Variants in OPHN1 observed in about 807,000 individuals in gnomAD.
OPHN1 encodes oligophrenin 1.
Under a neutral mutation model 60.7 loss-of-function variants are expected in OPHN1, and 11 were observed. That is an observed-to-expected ratio of 0.18 (90% CI 0.11 to 0.30). The LOEUF (loss-of-function observed/expected upper bound fraction) is 0.30, where lower values mean the gene tolerates loss of function less well. Among genes scored for constraint, OPHN1 ranks in the 10% least tolerant of loss-of-function variants. OPHN1 has a pLI of 1.00. For synonymous variants in OPHN1, 226 were observed against 222.6 expected, an observed-to-expected ratio of 1.02 and a Z score of -0.14; for missense variants, 449 against 611.0, an observed-to-expected ratio of 0.73 and a Z score of 2.80.
chrX:68,115,326 T>G (rs185296317), intron 16 of OPHN1, among the ~76,000 whole-genome samples: 1 of 112,258 alleles, frequency 8.9e-6, no homozygotes, highest in African/African-American at 3.2e-5. Flanking sequence ...GTGTTTAATA[T>G]GAAAATAGTC....
At chrX:68,239,506 G>T (rs887213895) in intron 5 of OPHN1, among the ~76,000 whole-genome samples, 1 of 111,431 alleles carries the variant, frequency 9.0e-6, no homozygotes, top group African/African-American at 3.3e-5. Context: ...CCTAGCCAGG[G>T]ACCGGGCCTT....
At chrX:68,432,648 T>C (rs1373272564) in intron 2 of OPHN1, among the ~76,000 whole-genome samples, 1 of 111,565 alleles carries the variant, frequency 9.0e-6, no homozygotes. Context: ...GATCACGTCT[T>C]ATAAGGTCAA....
At chrX:68,065,057 G>T (rs992806973) in intron 20 of OPHN1, among the ~76,000 whole-genome samples, 8 of 110,378 alleles carry the variant, frequency 7.2e-5, no homozygotes, top group African/African-American at 2.6e-4. Flanking sequence ...TGAGTTAATG[G>T]GTGCAGCACA....
At chrX:68,261,433 G>A (rs1458908701) in intron 5 of OPHN1, among the ~76,000 whole-genome samples, 3 of 111,692 alleles carry the variant, frequency 2.7e-5, no homozygotes, top group African/African-American at 9.8e-5. Context: ...AACAGAGCTG[G>A]ACTAAGACTT....
intron 15 of OPHN1, among the ~76,000 whole-genome samples, chrX:68,135,763 G>A (rs1411831208): frequency 8.9e-6 from 1 of 112,231 alleles, no homozygotes; most frequent in Admixed American, 9.4e-5. Context: ...TAGATTAGCT[G>A]TCAAAAATCA....
intron 2 of OPHN1, among the ~76,000 whole-genome samples, chrX:68,313,060 T>G (rs1270589062): frequency 9.0e-6 from 1 of 111,110 alleles, no homozygotes; most frequent in Non-Finnish European, 1.9e-5. Context: ...GTGATGATCC[T>G]ACAACTGCAT....
rs1247862355 is a variant in OPHN1 at position 68,213,930 on chromosome X, A to T, written c.529T>A (p.Ser177Thr). 5.0e-6 allele frequency: 6 copies of T among 1,205,375 alleles called. No individual in the cohort carries two copies. The Admixed American group carries it at 1.3e-4, about 26-fold the overall frequency. Residue 177 changes from serine (S) to threonine (T), a missense_variant, in exon 7 of 25, where the codon TCC (serine) becomes ACC (threonine). Physicochemically the swap from Ser to Thr is moderately conservative, Grantham distance 58. Transcript: ENST00000355520. ...VDKERHNFFE[S>T]SLDYVYQIQE... ...ATTTGATAAACATAATCAAGAGAGG[A>T]CTCGAAAAAATTGTGCCTCTCCTTG...
chrX:68,426,552 T>TTTTATATATATATATATATATATATATA (rs1227316565), intron 2 of OPHN1, among the ~76,000 whole-genome samples: 1 of 16,184 alleles, frequency 6.2e-5, no homozygotes, highest in Non-Finnish European at 4.9e-4. Context: ...GACATCTGTT[T>TTTTATATATATATATATATATATATATA]TATATATATA....
chrX:68,116,885 A>G (rs1018198718), intron 16 of OPHN1, among the ~76,000 whole-genome samples: 11 of 111,282 alleles, frequency 9.9e-5, no homozygotes, highest in African/African-American at 3.6e-4. Flanking sequence ...GCTTACTTCT[A>G]GGAATATCTA....
At chrX:68,372,490 G>C (rs2078534336) in intron 2 of OPHN1, among the ~76,000 whole-genome samples, 1 of 111,226 alleles carries the variant, frequency 9.0e-6, no homozygotes, top group Non-Finnish European at 1.9e-5. Flanking sequence ...CTCCCTGACA[G>C]TTTCGGCATC....
At chrX:68,428,068 T>C (rs1415828753) in intron 2 of OPHN1, among the ~76,000 whole-genome samples, 1 of 111,453 alleles carries the variant, frequency 9.0e-6, no homozygotes, top group Non-Finnish European at 1.9e-5. Flanking sequence ...CTCAAATTAT[T>C]TGCTGTCCCC....
intron 2 of OPHN1, among the ~76,000 whole-genome samples, chrX:68,423,247 T>G (rs951701051): frequency 1.8e-5 from 2 of 110,938 alleles, no homozygotes; most frequent in African/African-American, 3.3e-5. Flanking sequence ...GGATGGTCTC[T>G]ATCTCCTGAC....
At chrX:68,297,497 T>G (rs1422644508) in intron 3 of OPHN1, among the ~76,000 whole-genome samples, 2 of 112,101 alleles carry the variant, frequency 1.8e-5, no homozygotes, top group African/African-American at 6.5e-5. Context: ...TCTGACTCAC[T>G]AGTTACACAG....
chrX:68,415,584 C>T (rs1315221517), intron 2 of OPHN1, among the ~76,000 whole-genome samples: 1 of 111,752 alleles, frequency 8.9e-6, no homozygotes, highest in African/African-American at 3.3e-5. Flanking sequence ...AAAGAACTTC[C>T]CAACTGTGTC....
chrX:68,043,918 C>T lies in OPHN1; in HGVS notation c.*3254G>A, dbSNP rs1192253161. The T allele has an allele frequency of 9.0e-6, 1 of 111,554 alleles. No individual in the cohort carries two copies. The highest frequency in any genetic ancestry group is 1.9e-5 in the Non-Finnish European group (1 of 53,155). The allele number at this position is 111,554 out of a possible 1,213,427, so 9.2% of individuals were successfully genotyped here. ...TCTCTTAGGCTGAAACTGAAACTGC[C>T]CATGCTACAACCTTGGCGAAGTATG... On this transcript the variant is annotated 3_prime_UTR_variant, in exon 25 of 25. Transcript: ENST00000355520.
chrX:68,219,624 T>A (rs1177815553), intron 6 of OPHN1, among the ~76,000 whole-genome samples: 1 of 111,405 alleles, frequency 9.0e-6, no homozygotes, highest in African/African-American at 3.3e-5. Context: ...GGATTACGAA[T>A]CTCACTCAAA....
intron 2 of OPHN1, among the ~76,000 whole-genome samples, chrX:68,307,448 C>A (rs373195346): frequency 1.5e-4 from 15 of 99,154 alleles, no homozygotes; most frequent in African/African-American, 6.1e-4. Context: ...AGAGCGAGAC[C>A]CTATGTCAAC....
At chrX:68,269,596 A>T (rs1372881649) in intron 5 of OPHN1, among the ~76,000 whole-genome samples, 1 of 111,893 alleles carries the variant, frequency 8.9e-6, no homozygotes, top group Non-Finnish European at 1.9e-5. Flanking sequence ...TTCAAGATGG[A>T]TTAAAGACTT....
rs753380433 is a variant in OPHN1, at chrX:68,073,407, C to A, written c.1687-108G>T. 4.7e-5 allele frequency: 30 copies of A among 643,585 alleles called. No homozygotes were observed. The African/African-American group carries it at 5.8e-4, about 12-fold the overall frequency. 53.0% of individuals were successfully genotyped at this position (643,585 alleles called of 1,213,427 possible). On this transcript the variant is annotated intron_variant, in intron 19 of 24. Transcript: ENST00000355520. ...TTGGCCTTATATCTAGAGTTTGTAA[C>A]GTGAATACTAACATGACTCAAAGAA...
Sources: gnomAD v4.1 joint callset for allele counts (sites outside exome capture counted in the v4.1 genomes callset) on GRCh38, gnomAD v4.1.1 for gene constraint, MANE v1.5 for transcripts, NCBI Gene and HGNC (gene_info 2026-07-23, HGNC 2026-07-21) for gene names.